Variants in CUBN observed in about 807,000 individuals in gnomAD.
The protein encoded by CUBN is cubilin.
A neutral mutation model predicts 405.3 loss-of-function variants in CUBN; 282 were observed. That is an observed-to-expected ratio of 0.70 (90% CI 0.63 to 0.77). The LOEUF (loss-of-function observed/expected upper bound fraction) is 0.77. CUBN is among the 30% of genes least tolerant of loss of function. The pLI is 0.00. For missense variants in CUBN, 4,514 were observed against 4,475.2 expected, an observed-to-expected ratio of 1.01 and a Z score of -0.25; for synonymous variants, 1,684 against 1,617.0, an observed-to-expected ratio of 1.04 and a Z score of -0.99.
At chr10:16,825,674 T>TGTGTGTGTGTGTGTG (rs58497178) in intron 66 of CUBN, among the ~76,000 whole-genome samples, 8 of 133,990 alleles carry the variant, frequency 6.0e-5, no homozygotes, top group African/African-American at 1.7e-4. Flanking sequence ...TGTGTGTGTG[T>TGTGTGTGTGTGTGTG]TGGGGGGATA....
Position 17,104,613 on chromosome 10 carries a change from GAAAAAAAAC to G in CUBN, c.1231-17_1231-9del, listed in dbSNP as rs745614152. Reference sequence around the variant, plus strand: ...ATAACCAGAGACAGTGTCCTAAGGGGAAAAAAAACACATAATACCATAAAACAAATGGAT... The same window carrying G: ...ATAACCAGAGACAGTGTCCTAAGGGGACATAATACCATAAAACAAATGGAT... On this transcript the variant is annotated splice_polypyrimidine_tract_variant and intron_variant, in intron 11 of 66. Coordinates refer to ENST00000377833, the MANE Select transcript of CUBN (RefSeq NM_001081.4). 4 of 1,603,474 alleles carry G rather than the reference GAAAAAAAAC, an allele frequency of 2.5e-6. No homozygotes were observed. Among genetic ancestry groups the G allele is most frequent in the Non-Finnish European group, 2.6e-6 (3 of 1,174,294 alleles).
intron 22 of CUBN, among the ~76,000 whole-genome samples, chr10:17,055,877 C>G (rs1283728445): frequency 6.6e-6 from 1 of 151,966 alleles, no homozygotes; most frequent in East Asian, 1.9e-4. Context: ...CAATCTCAAT[C>G]AAATTCTCAA....
At chr10:16,856,926 C>A (rs776093913) in intron 59 of CUBN, among the ~76,000 whole-genome samples, 2 of 152,154 alleles carry the variant, frequency 1.3e-5, no homozygotes, top group African/African-American at 2.4e-5. Flanking sequence ...AGCTTCCTTT[C>A]TACCACCCAG....
chr10:17,025,755 G>A (rs1259311547), intron 27 of CUBN, among the ~76,000 whole-genome samples: 1 of 152,180 alleles, frequency 6.6e-6, no homozygotes, highest in Non-Finnish European at 1.5e-5. Context: ...CAGTGAGGAG[G>A]TGGAGGCCAA....
At chr10:17,121,018 C>T (rs1381759086) in intron 6 of CUBN, among the ~76,000 whole-genome samples, 5 of 152,070 alleles carry the variant, frequency 3.3e-5, no homozygotes, top group East Asian at 1.9e-4. Context: ...AATGGGTTCA[C>T]GGAAATGAGA....
chr10:16,878,685 T>C (rs1178965675), intron 56 of CUBN, among the ~76,000 whole-genome samples: 1 of 152,208 alleles, frequency 6.6e-6, no homozygotes, highest in East Asian at 1.9e-4. Flanking sequence ...AGGAAAATGT[T>C]ATGCCCATTA....
Position 16,920,119 on chromosome 10 carries a change from TAGACGTTGCCCCCACAGGC to T in CUBN, c.6647-1_6664del. The T allele has an allele frequency of 6.2e-7, 1 of 1,614,010 alleles. No homozygotes were observed. Among genetic ancestry groups the T allele is most frequent in the Non-Finnish European group, 8.5e-7 (1 of 1,179,944 alleles). On this transcript the variant is annotated splice_acceptor_variant and coding_sequence_variant, in exon 44 of 67. Transcript: ENST00000377833. LOFTEE classifies it high-confidence loss of function. Reference sequence around the variant, plus strand: ...CCCAGCAGAATCAGCATCATGGATGTAGACGTTGCCCCCACAGGCTGTGAGCAAACACACTTAAATCAGT... The same window carrying T: ...CCCAGCAGAATCAGCATCATGGATGTTGTGAGCAAACACACTTAAATCAGT...
At chr10:17,121,382 T>A (rs1837036544) in intron 6 of CUBN, among the ~76,000 whole-genome samples, 1 of 152,078 alleles carries the variant, frequency 6.6e-6, no homozygotes, top group Non-Finnish European at 1.5e-5. Flanking sequence ...AATGATGAGT[T>A]CATGTCCTTT....
chr10:16,985,279 G>A (rs1264090840), intron 29 of CUBN, among the ~76,000 whole-genome samples: 1 of 152,214 alleles, frequency 6.6e-6, no homozygotes, highest in Non-Finnish European at 1.5e-5. Context: ...GAAGAACAAC[G>A]TGGCAGAGAA....
intron 8 of CUBN, among the ~76,000 whole-genome samples, chr10:17,113,355 T>C (rs1029095014): frequency 1.3e-5 from 2 of 152,104 alleles, no homozygotes; most frequent in East Asian, 1.9e-4. Context: ...GGAGCGCAGA[T>C]GAACCTGAGG....
rs756122885 is a variant in CUBN, at chr10:16,888,414, T to C, written c.8905+3A>G. ...CGTAATTTTTTTAAAAGAATAAACT[T>C]ACCTTCTAAGTGGAAGGACACAAAA... On this transcript the variant is annotated splice_donor_region_variant and intron_variant, in intron 56 of 66. Transcript: ENST00000377833. 1 of 1,611,102 alleles carries C rather than the reference T, an allele frequency of 6.2e-7. No homozygotes were observed. The highest frequency in any genetic ancestry group is 8.5e-7 in the Non-Finnish European group (1 of 1,177,436).
chr10:16,855,215 G>A (rs1839837876), intron 59 of CUBN, among the ~76,000 whole-genome samples: 1 of 151,250 alleles, frequency 6.6e-6, no homozygotes, highest in South Asian at 2.1e-4. Context: ...TGAATAGCTG[G>A]GATTACAGGT....
At chr10:16,860,642 A>C (rs939005984) in intron 59 of CUBN, among the ~76,000 whole-genome samples, 7 of 152,202 alleles carry the variant, frequency 4.6e-5, no homozygotes, top group Admixed American at 3.3e-4. Context: ...GTCCTCTCCT[A>C]GTAATTTTCT....
At chr10:17,040,912 T>C in intron 27 of CUBN, 121 bp downstream of exon 27, 1 of 836,358 alleles carries the variant, frequency 1.2e-6, no homozygotes, top group Admixed American at 1.8e-5. Context: ...GGGTGGTTGG[T>C]GTGTTATAGA....
chr10:16,837,623 T>C (rs914216940), intron 62 of CUBN, among the ~76,000 whole-genome samples: 10 of 152,070 alleles, frequency 6.6e-5, no homozygotes, highest in Admixed American at 5.9e-4. Context: ...GCATCTCTGT[T>C]CATCTCCAGT....
rs750366211 is a variant in CUBN at position 17,068,594 on chromosome 10, C to G, written c.2791+11G>C. The G allele has an allele frequency of 1.3e-6, 2 of 1,599,760 alleles. No individual in the cohort carries two copies. The highest frequency in any genetic ancestry group is 1.7e-6 in the Non-Finnish European group (2 of 1,172,092). On this transcript the variant is annotated intron_variant, in intron 20 of 66. Transcript: ENST00000377833. ...CAAGAGGAGGAAAAAAAAAAGGGAACAGTCTCTTACCCAAATCCTCAGCAC... is the reference window on the plus strand; with the variant it reads ...CAAGAGGAGGAAAAAAAAAAGGGAAGAGTCTCTTACCCAAATCCTCAGCAC...
At chr10:16,887,939 C>G (rs1282749280) in intron 56 of CUBN, among the ~76,000 whole-genome samples, 1 of 152,126 alleles carries the variant, frequency 6.6e-6, no homozygotes, top group East Asian at 1.9e-4. Context: ...ATGGATGAAC[C>G]TGGAGGACAT....
At position 17,126,748 on chromosome 10, in the gene CUBN, G is replaced by A. The variant is rs766779196; in HGVS notation, c.387+13C>T. 24 of 1,613,896 alleles carry A rather than the reference G, an allele frequency of 1.5e-5. No individual in the cohort carries two copies. In the East Asian group the frequency reaches 2.9e-4, roughly 19 times the overall value. ...CTGTGAAAGATTTGGGTATGTAGTA[G>A]CATGAGACCTACCTGCTGCAAGCCT... On this transcript the variant is annotated intron_variant, in intron 4 of 66. Transcript: ENST00000377833.
At chr10:16,930,152 C>A (rs1468805542) in intron 40 of CUBN, among the ~76,000 whole-genome samples, 4 of 152,206 alleles carry the variant, frequency 2.6e-5, no homozygotes, top group Non-Finnish European at 4.4e-5. Flanking sequence ...ACAGTAAAGG[C>A]TAGCACTAGA....
Sources: allele counts gnomAD v4.1 joint callset (sites outside exome capture counted in the v4.1 genomes callset), GRCh38; gene constraint gnomAD v4.1.1; transcripts MANE v1.5; gene names NCBI Gene and HGNC (gene_info 2026-07-23, HGNC 2026-07-21).